Variants in KCNMB2 observed in about 807,000 individuals in gnomAD.
KCNMB2 encodes potassium calcium-activated channel subfamily M regulatory beta subunit 2, also known as calcium-activated potassium channel subunit beta-2.
Under a neutral mutation model 24.5 loss-of-function variants are expected in KCNMB2, and 9 were observed. The ratio of observed to expected loss-of-function variants is 0.37; its 90% CI spans 0.22 to 0.64. The LOEUF (loss-of-function observed/expected upper bound fraction) is 0.64, where lower values mean the gene tolerates loss of function less well. Ranked by LOEUF, KCNMB2 falls within the 30% of genes least tolerant of loss-of-function variation. KCNMB2 has a pLI of 0.63. For missense variants in KCNMB2, 226 were observed against 284.3 expected (o/e 0.79, Z 1.47); for synonymous variants, 109 against 104.4 (o/e 1.04, Z -0.27).
At chr3:178,781,700 G>C (rs1236350127) in intron 1 of KCNMB2, among the ~76,000 whole-genome samples, 1 of 151,844 alleles carries the variant, frequency 6.6e-6, no homozygotes, top group African/African-American at 2.4e-5. Flanking sequence ...GAACAGGGGG[G>C]AGTGATGGAC....
chr3:178,837,654 G>A (rs1489029027), intron 4 of KCNMB2, among the ~76,000 whole-genome samples: 9 of 152,138 alleles, frequency 5.9e-5, no homozygotes, highest in Non-Finnish European at 1.2e-4. Context: ...TCTGTCTGTT[G>A]CTCATATGTG....
At chr3:178,685,627 T>G (rs914497738) in intron 1 of KCNMB2, among the ~76,000 whole-genome samples, 3 of 152,226 alleles carry the variant, frequency 2.0e-5, no homozygotes, top group African/African-American at 7.2e-5. Context: ...CATCATCCTA[T>G]TGCCTTGAAG....
chr3:178,570,942 T>C (rs1478703835), intron 1 of KCNMB2, among the ~76,000 whole-genome samples: 5 of 152,198 alleles, frequency 3.3e-5, no homozygotes, highest in African/African-American at 1.2e-4. Flanking sequence ...CTATTATATG[T>C]TCATCACTTT....
At chr3:178,710,647 T>G (rs916829875) in intron 1 of KCNMB2, among the ~76,000 whole-genome samples, 1 of 152,132 alleles carries the variant, frequency 6.6e-6, no homozygotes, top group Admixed American at 6.5e-5. Context: ...CGTGAGTGTG[T>G]GTGCGTGTCT....
intron 1 of KCNMB2, among the ~76,000 whole-genome samples, chr3:178,565,759 T>G (rs1450402115): frequency 6.6e-6 from 1 of 152,196 alleles, no homozygotes; most frequent in Non-Finnish European, 1.5e-5. Flanking sequence ...GCTTTTCTCA[T>G]ATAGTATCCT....
At chr3:178,708,365 C>T (rs1417128783) in intron 1 of KCNMB2, among the ~76,000 whole-genome samples, 2 of 152,052 alleles carry the variant, frequency 1.3e-5, no homozygotes, top group Admixed American at 6.6e-5. Context: ...GCTCTCTGTG[C>T]CTGGCATTGG....
intron 1 of KCNMB2, among the ~76,000 whole-genome samples, chr3:178,806,283 A>AC (rs1713963792): frequency 6.6e-6 from 1 of 152,134 alleles, no homozygotes; most frequent in African/African-American, 2.4e-5. Flanking sequence ...TAATATCACT[A>AC]CCCACCTTGC....
At chr3:178,765,636 C>CATGTGCATGTGTTCCTGTCCATGTGT (rs1560012565) in intron 1 of KCNMB2, among the ~76,000 whole-genome samples, 1 of 151,556 alleles carries the variant, frequency 6.6e-6, no homozygotes, top group Non-Finnish European at 1.5e-5. Flanking sequence ...TGTGCACGCG[C>CATGTGCATGTGTTCCTGTCCATGTGT]GTGTGCATGT....
At position 178,638,951 on chromosome 3, in the gene KCNMB2, A is replaced by G. The variant is rs140236674; in HGVS notation, c.-68+102240A>G. On this transcript the variant is annotated intron_variant, in intron 1 of 4. Coordinates refer to ENST00000452583, the MANE Select transcript of KCNMB2 (RefSeq NM_181361.3). ...TAATTTATATTTACTCTAGAAATAT[A>G]GACCATTGACTTAAGGTAGGTTTCT... is the stretch of plus-strand genomic sequence containing the variant. Among the ~76,000 whole-genome samples the G allele has an allele frequency of 5.0e-3, 762 of 152,300 alleles. 7 individuals carry two copies. Among genetic ancestry groups the G allele is most frequent in the African/African-American group, 0.018 (736 of 41,574 alleles).
chr3:178,817,086 G>C (rs895634277), intron 2 of KCNMB2, among the ~76,000 whole-genome samples: 2 of 151,756 alleles, frequency 1.3e-5, no homozygotes, highest in Non-Finnish European at 2.9e-5. Flanking sequence ...CCATAATTTT[G>C]TTCTCACTTT....
At chr3:178,842,546 C>A (rs1393444618) in intron 4 of KCNMB2, 107 bp from the exon 5 acceptor site, 2 of 727,032 alleles carry the variant, frequency 2.8e-6, no homozygotes, top group East Asian at 5.0e-5. Context: ...AGAATAACCA[C>A]CATGGTTATT....
intron 1 of KCNMB2, among the ~76,000 whole-genome samples, chr3:178,645,244 T>C (rs1337332526): frequency 6.6e-6 from 1 of 151,992 alleles, no homozygotes; most frequent in Non-Finnish European, 1.5e-5. Context: ...GAGACGGGGT[T>C]TCTCCATGTT....
chr3:178,540,139 A>G (rs1715568777), intron 1 of KCNMB2, among the ~76,000 whole-genome samples: 1 of 152,178 alleles, frequency 6.6e-6, no homozygotes. Flanking sequence ...ATCTGTGTAA[A>G]TGGGAACTTC....
intron 1 of KCNMB2, among the ~76,000 whole-genome samples, chr3:178,757,952 G>T (rs1454679401): frequency 0.077 from 6,024 of 77,810 alleles, 1,467 homozygotes; most frequent in African/African-American, 0.15. Flanking sequence ...GGGATATATA[G>T]ACACAAGAGG....
intron 1 of KCNMB2, among the ~76,000 whole-genome samples, chr3:178,740,420 C>T (rs2108376714): frequency 6.6e-6 from 1 of 152,140 alleles, no homozygotes; most frequent in East Asian, 1.9e-4. Flanking sequence ...ACGCCTGGCC[C>T]CCGTAAACAT....
chr3:178,574,993 A>C lies in KCNMB2; in HGVS notation c.-68+38282A>C, dbSNP rs113173446. 3.7e-4 allele frequency among the ~76,000 whole-genome samples: 57 copies of C among 152,242 alleles called. 1 individual carries two copies. Among genetic ancestry groups the C allele is most frequent in the Middle Eastern group, 3.4e-3 (1 of 292 alleles). On this transcript the variant is annotated intron_variant, in intron 1 of 4. Transcript: ENST00000452583. The stretch of plus-strand genomic sequence containing the variant: ...TAAGGCAGGAGAATCACTTGAACCC[A>C]GGAGACAGAGGTTGCAGTGAGCCAA...
chr3:178,601,913 T>G lies in KCNMB2; in HGVS notation c.-68+65202T>G, dbSNP rs775914729. On this transcript the variant is annotated intron_variant, in intron 1 of 4. Transcript: ENST00000452583. The stretch of plus-strand genomic sequence containing the variant: ...CCTGGCCAGGAATTGTCTGACCATT[T>G]TGAGGAGCCTTGGCAAAGAATTGGA... 9.3e-4 allele frequency among the ~76,000 whole-genome samples: 141 copies of G among 152,314 alleles called. 1 individual carries two copies. Among genetic ancestry groups the G allele is most frequent in the African/African-American group, 3.4e-3 (140 of 41,568 alleles).
intron 1 of KCNMB2, among the ~76,000 whole-genome samples, chr3:178,794,694 T>C (rs1033064437): frequency 6.6e-6 from 1 of 152,176 alleles, no homozygotes; most frequent in Non-Finnish European, 1.5e-5. Flanking sequence ...GAAGTGGCTG[T>C]TTCCAGGTCT....
intron 1 of KCNMB2, among the ~76,000 whole-genome samples, chr3:178,680,851 C>T (rs868840020): frequency 2.6e-5 from 4 of 152,142 alleles, no homozygotes; most frequent in African/African-American, 7.2e-5. Context: ...CTCTTAGGAA[C>T]GGGGCCCCCA....
Sources: allele counts gnomAD v4.1 joint callset (sites outside exome capture counted in the v4.1 genomes callset), GRCh38; gene constraint gnomAD v4.1.1; transcripts MANE v1.5; gene names NCBI Gene and HGNC (gene_info 2026-07-23, HGNC 2026-07-21).